Variants in PITPNC1 observed in about 807,000 individuals in gnomAD.
PITPNC1 encodes phosphatidylinositol transfer protein cytoplasmic 1.
In PITPNC1, 18 loss-of-function variants were observed where a neutral mutation model predicts 44.7. That is an observed-to-expected ratio of 0.40 (90% CI 0.28 to 0.60). The LOEUF is 0.60. Among genes scored for constraint, PITPNC1 ranks in the 20% least tolerant of loss-of-function variants. The pLI is 0.39. For synonymous variants in PITPNC1, 141 were observed against 149.6 expected (o/e 0.94, Z 0.42); for missense variants, 290 against 418.4 (o/e 0.69, Z 2.68).
At chr17:67,552,062 T>G (rs958473522) in intron 2 of PITPNC1, among the ~76,000 whole-genome samples, 195 bp from the exon 3 acceptor site, 4 of 152,170 alleles carry the variant, frequency 2.6e-5, no homozygotes, top group Non-Finnish European at 5.9e-5. Flanking sequence ...TCTTTACACA[T>G]TTTGAGAGCA....
chr17:67,578,607 AT>A (rs755129161), intron 5 of PITPNC1, among the ~76,000 whole-genome samples: 1 of 152,216 alleles, frequency 6.6e-6, no homozygotes, highest in Non-Finnish European at 1.5e-5. Context: ...ATGCCTATTA[AT>A]ATCTACTTCG....
intron 5 of PITPNC1, among the ~76,000 whole-genome samples, chr17:67,594,327 T>C (rs577288186): frequency 1.3e-5 from 2 of 152,266 alleles, no homozygotes; most frequent in South Asian, 2.1e-4. Context: ...TTATACCTCA[T>C]GGGAACCACT....
intron 1 of PITPNC1, among the ~76,000 whole-genome samples, chr17:67,510,099 A>G (rs1391297012): frequency 2.0e-5 from 3 of 152,238 alleles, no homozygotes; most frequent in Non-Finnish European, 4.4e-5. Context: ...AAGTGCTGAA[A>G]CACTTGAAGC....
At chr17:67,509,233 C>T (rs976643435) in intron 1 of PITPNC1, among the ~76,000 whole-genome samples, 4 of 146,066 alleles carry the variant, frequency 2.7e-5, no homozygotes, top group Admixed American at 6.9e-5. Flanking sequence ...GATTCCGTCT[C>T]AAAATAAATA....
At chr17:67,492,688 G>C (rs1440450883) in intron 1 of PITPNC1, among the ~76,000 whole-genome samples, 1 of 152,132 alleles carries the variant, frequency 6.6e-6, no homozygotes, top group Non-Finnish European at 1.5e-5. Context: ...ACCGCCCCAG[G>C]ACAGCTACTG....
chr17:67,687,702 T>G (rs2042841826), intron 8 of PITPNC1, among the ~76,000 whole-genome samples: 2 of 152,156 alleles, frequency 1.3e-5, no homozygotes, highest in South Asian at 4.1e-4. Flanking sequence ...GGCTGCAGTC[T>G]GTGCAGACAC....
At chr17:67,586,751 T>C (rs138221949) in intron 5 of PITPNC1, among the ~76,000 whole-genome samples, 240 of 152,336 alleles carry the variant, frequency 1.6e-3, no homozygotes, top group African/African-American at 5.6e-3. Flanking sequence ...TACTTTTGCT[T>C]CTGTTCCAGA....
intron 1 of PITPNC1, among the ~76,000 whole-genome samples, chr17:67,425,240 CACACACACACACACACACACACAG>C (rs1450537906): frequency 2.6e-4 from 31 of 121,522 alleles, no homozygotes; most frequent in Middle Eastern, 9.2e-3. Flanking sequence ...CACACACACA[CACACACACACACACACACACACAG>C]AGGGAGAGAG....
intron 1 of PITPNC1, 129 bp from the exon 2 acceptor site, chr17:67,532,673 C>T: frequency 4.7e-6 from 3 of 631,624 alleles, no homozygotes. Context: ...AACATGAGGC[C>T]CATGTGGCTG....
intron 6 of PITPNC1, among the ~76,000 whole-genome samples, chr17:67,663,366 G>A (rs905795820): frequency 2.6e-5 from 4 of 151,952 alleles, no homozygotes; most frequent in Non-Finnish European, 4.4e-5. Context: ...TCAGGAGATC[G>A]AGACCATCCT....
chr17:67,468,389 G>A (rs1463755474), intron 1 of PITPNC1, among the ~76,000 whole-genome samples: 1 of 147,086 alleles, frequency 6.8e-6, no homozygotes, highest in Non-Finnish European at 1.5e-5. Context: ...ATGAACAGGT[G>A]GCTTTCTTTC....
chr17:67,387,740 G>A (rs751120808), intron 1 of PITPNC1, among the ~76,000 whole-genome samples: 1 of 152,018 alleles, frequency 6.6e-6, no homozygotes, highest in East Asian at 1.9e-4. Context: ...GCCTCTCCAC[G>A]CCTGTTTATT....
At chr17:67,595,330 T>G (rs1018180386) in intron 5 of PITPNC1, among the ~76,000 whole-genome samples, 20 of 152,190 alleles carry the variant, frequency 1.3e-4, no homozygotes, top group African/African-American at 4.8e-4. Flanking sequence ...AGGGAACCAT[T>G]GAATCTTCTT....
intron 6 of PITPNC1, among the ~76,000 whole-genome samples, chr17:67,641,623 C>T (rs1245732136): frequency 1.3e-5 from 2 of 151,882 alleles, no homozygotes; most frequent in Admixed American, 6.6e-5. Flanking sequence ...ATGGCAAAAC[C>T]CCATCTCTAT....
intron 1 of PITPNC1, among the ~76,000 whole-genome samples, chr17:67,468,169 G>A (rs1269043011): frequency 1.3e-5 from 2 of 152,196 alleles, no homozygotes; most frequent in Non-Finnish European, 2.9e-5. Flanking sequence ...CTATGGAAGG[G>A]TTATTTAGAG....
chr17:67,585,661 C>T (rs1292172684), intron 5 of PITPNC1, among the ~76,000 whole-genome samples: 5 of 152,074 alleles, frequency 3.3e-5, no homozygotes, highest in African/African-American at 1.2e-4. Flanking sequence ...AAAAACTAGC[C>T]AGATGTGGTG....
intron 1 of PITPNC1, among the ~76,000 whole-genome samples, chr17:67,416,500 G>A (rs988482944): frequency 6.6e-6 from 1 of 151,926 alleles, no homozygotes; most frequent in African/African-American, 2.4e-5. Flanking sequence ...ATAAGCGTGA[G>A]CCACCGTGTC....
chr17:67,500,648 AT>A (rs10719546), intron 1 of PITPNC1, among the ~76,000 whole-genome samples: 70,185 of 149,084 alleles, frequency 0.47, 16,500 homozygotes, highest in East Asian at 0.63. Flanking sequence ...TTATATCTCA[AT>A]TTTTTTTTAA....
intron 5 of PITPNC1, among the ~76,000 whole-genome samples, chr17:67,631,655 A>ATAT (rs57804710): frequency 0.014 from 114 of 8,268 alleles, 9 homozygotes; most frequent in African/African-American, 0.041. Flanking sequence ...AAAAAAAAAA[A>ATAT]AAATATATAT....
Sources: allele counts gnomAD v4.1 joint callset (sites outside exome capture counted in the v4.1 genomes callset), GRCh38; gene constraint gnomAD v4.1.1; transcripts MANE v1.5; gene names NCBI Gene and HGNC (gene_info 2026-07-23, HGNC 2026-07-21).